PDSS2: variants seen among roughly 807,000 people sequenced by gnomAD.
The protein encoded by PDSS2 is all trans-polyprenyl-diphosphate synthase PDSS2.
In PDSS2, 31 loss-of-function variants were observed where a neutral mutation model predicts 44.5. The observed-to-expected ratio is 0.70, with a 90% CI of 0.52 to 0.94. PDSS2 has a LOEUF of 0.94. Ranked by LOEUF, PDSS2 falls within the 40% of genes least tolerant of loss-of-function variation. PDSS2 has a pLI of 0.00. For missense variants in PDSS2, 452 were observed against 482.2 expected (o/e 0.94, Z 0.59); for synonymous variants, 157 against 180.3 (o/e 0.87, Z 1.03).
intron 6 of PDSS2, among the ~76,000 whole-genome samples, chr6:107,209,751 A>G (rs557944122): frequency 1.6e-3 from 236 of 151,916 alleles, no homozygotes; most frequent in Non-Finnish European, 2.7e-3. Flanking sequence ...GGCTACCCCC[A>G]CCCTCAGCTG....
chr6:107,177,968 T>A (rs1771852417), intron 7 of PDSS2, among the ~76,000 whole-genome samples: 1 of 152,020 alleles, frequency 6.6e-6, no homozygotes, highest in Admixed American at 6.6e-5. Context: ...TAAGAGTGAG[T>A]TTCGGTTTCT....
intron 4 of PDSS2, among the ~76,000 whole-genome samples, chr6:107,227,464 C>T (rs1334913053): frequency 1.4e-5 from 2 of 146,058 alleles, no homozygotes; most frequent in Non-Finnish European, 3.0e-5. Context: ...AATTTTTATA[C>T]TTTTAGTAAA....
chr6:107,298,910 G>A (rs1456834466), intron 2 of PDSS2, among the ~76,000 whole-genome samples: 2 of 152,080 alleles, frequency 1.3e-5, no homozygotes, highest in East Asian at 1.9e-4. Context: ...GGGAGGCTGA[G>A]GCAGGCGAAT....
chr6:107,334,531 T>A (rs1777816546), intron 1 of PDSS2, among the ~76,000 whole-genome samples, 199 bp from the exon 2 acceptor site: 1 of 98,574 alleles, frequency 1.0e-5, no homozygotes, highest in African/African-American at 3.6e-5. Context: ...GGCTGCGTTG[T>A]TGTTGTTGTT....
chr6:107,198,895 C>T (rs575627072), intron 6 of PDSS2, among the ~76,000 whole-genome samples: 41 of 152,236 alleles, frequency 2.7e-4, no homozygotes, highest in African/African-American at 8.2e-4. Context: ...ACTTAGGAGG[C>T]TGAGGTGGGC....
chr6:107,375,789 T>C (rs1439115558), intron 1 of PDSS2, among the ~76,000 whole-genome samples: 1 of 152,148 alleles, frequency 6.6e-6, no homozygotes, highest in Non-Finnish European at 1.5e-5. Context: ...CTCAAACATA[T>C]TAACAAATTA....
intron 7 of PDSS2, among the ~76,000 whole-genome samples, chr6:107,175,469 T>C (rs898228550): frequency 6.6e-6 from 1 of 152,198 alleles, no homozygotes; most frequent in Admixed American, 6.5e-5. Context: ...AGCATTACAA[T>C]TTCATTTGAG....
At chr6:107,311,489 T>C (rs1777045872) in intron 2 of PDSS2, among the ~76,000 whole-genome samples, 1 of 152,284 alleles carries the variant, frequency 6.6e-6, no homozygotes, top group Middle Eastern at 3.4e-3. Context: ...ATTATAGGCA[T>C]GAGCCATGAC....
chr6:107,230,422 C>T (rs577401833), intron 4 of PDSS2, among the ~76,000 whole-genome samples: 3 of 152,132 alleles, frequency 2.0e-5, no homozygotes, highest in African/African-American at 7.2e-5. Flanking sequence ...CCTAATCTCA[C>T]GCTTGGCCTA....
At chr6:107,290,160 C>A (rs1052505866) in intron 2 of PDSS2, among the ~76,000 whole-genome samples, 1 of 152,162 alleles carries the variant, frequency 6.6e-6, no homozygotes, top group Non-Finnish European at 1.5e-5. Context: ...TTTCTTTACA[C>A]CACGATTTGC....
At chr6:107,299,146 CAAAAAAA>C (rs71991148) in intron 2 of PDSS2, among the ~76,000 whole-genome samples, 1 of 53,492 alleles carries the variant, frequency 1.9e-5, no homozygotes, top group Non-Finnish European at 3.1e-5. Context: ...GACCCTGTCT[CAAAAAAA>C]AAAAAAAAAA....
intron 7 of PDSS2, among the ~76,000 whole-genome samples, chr6:107,180,225 G>T (rs9386620): frequency 0.28 from 42,227 of 151,914 alleles, 6,958 homozygotes; most frequent in Non-Finnish European, 0.37. Context: ...TGGTGCACAG[G>T]TGGCTTCTGA....
chr6:107,247,955 T>G (rs1278613466), intron 3 of PDSS2, among the ~76,000 whole-genome samples: 4 of 148,544 alleles, frequency 2.7e-5, no homozygotes, highest in Admixed American at 2.0e-4. Context: ...GGAGGTGGAG[T>G]TTGCAGTGAG....
In PDSS2 at chr6:107,395,256, G is replaced by A. The variant is rs1779905877; in HGVS notation, c.297-60924C>T. ...TTATTTTCAGCAATTTGATTATGAT[G>A]TATCCTGGTGCTGGTTTTCTTTATG... On this transcript the variant is annotated intron_variant, in intron 1 of 7. Transcript: ENST00000369037. 2.6e-5 allele frequency among the ~76,000 whole-genome samples: 4 copies of A among 151,924 alleles called. No individual in the cohort carries two copies. The South Asian group carries it at 6.2e-4, about 24-fold the overall frequency.
rs1554245162 is a variant in PDSS2, at chr6:107,154,662, G to C, written c.1157C>G (p.Ser386Cys). ...AGCAAACACAATGTTTTCTAAAGCA[G>C]ATCTGGCCTCCGAGGGAGGAAAGCT... ...LESFPPSEARSALENIVFAVT... is the reference protein window; with the variant it reads ...LESFPPSEARCALENIVFAVT... Residue 386 changes from serine (S) to cysteine (C), a missense_variant, in exon 8 of 8, where the codon TCT becomes TGT. By Grantham distance (112) the Ser-to-Cys change is moderately radical. Coordinates refer to ENST00000369037, the MANE Select transcript of PDSS2 (RefSeq NM_020381.4). 9.3e-6 allele frequency: 15 copies of C among 1,614,078 alleles called. No homozygotes were observed. The highest frequency in any genetic ancestry group is 1.6e-4 in the Middle Eastern group (1 of 6,084).
chr6:107,239,968 A>C (rs929416937), intron 4 of PDSS2, among the ~76,000 whole-genome samples: 1 of 152,126 alleles, frequency 6.6e-6, no homozygotes, highest in Non-Finnish European at 1.5e-5. Context: ...AAATAAGTTA[A>C]AATGATAAGA....
intron 2 of PDSS2, among the ~76,000 whole-genome samples, chr6:107,296,474 C>A (rs1211398202): frequency 1.3e-5 from 2 of 152,100 alleles, no homozygotes; most frequent in African/African-American, 4.8e-5. Flanking sequence ...GCCCGTAATC[C>A]CAGCACTTTG....
At chr6:107,170,621 C>CTT (rs1562349569) in intron 7 of PDSS2, among the ~76,000 whole-genome samples, 1 of 38,846 alleles carries the variant, frequency 2.6e-5, no homozygotes, top group African/African-American at 1.0e-4. Flanking sequence ...CCCCCCCCCA[C>CTT]TTTTTTTTTT....
chr6:107,178,734 A>G (rs1410684474), intron 7 of PDSS2, among the ~76,000 whole-genome samples: 2 of 152,178 alleles, frequency 1.3e-5, no homozygotes, highest in East Asian at 1.9e-4. Context: ...AAGAATACAC[A>G]CTGCTGCTGG....
Sources: allele counts gnomAD v4.1 joint callset (sites outside exome capture counted in the v4.1 genomes callset), GRCh38; gene constraint gnomAD v4.1.1; transcripts MANE v1.5; gene names NCBI Gene and HGNC (gene_info 2026-07-23, HGNC 2026-07-21).